Variants in CCP110 observed in about 807,000 individuals in gnomAD.
CCP110 encodes centriolar coiled-coil protein 110, also known as centriolar coiled-coil protein of 110 kDa.
A neutral mutation model predicts 105.5 loss-of-function variants in CCP110; 43 were observed. That is an observed-to-expected ratio of 0.41 (90% CI 0.32 to 0.53). The LOEUF is 0.53. CCP110 is among the 20% of genes least tolerant of loss of function. The pLI is 0.32. For synonymous variants in CCP110, 353 were observed against 392.1 expected, an observed-to-expected ratio of 0.90 and a Z score of 1.18; for missense variants, 1,016 against 1,189.1, an observed-to-expected ratio of 0.85 and a Z score of 2.14.
chr16:19,536,915 G>A (rs765427528), exon 4 of CCP110: 2 of 1,614,190 alleles, frequency 1.2e-6, no homozygotes, highest in South Asian at 2.2e-5. Flanking sequence ...TCAAGATACT[G>A]ATGAAAACAC....
rs964725775 is a variant in CCP110 at position 19,548,195 on chromosome 16, T to C, written c.2900+181T>C. ...TTCAAATGTAACCCTCTTGGTGTACTGTTGTGTATTCTAATTACTGTCTTA... is the reference window on the plus strand; with the variant it reads ...TTCAAATGTAACCCTCTTGGTGTACCGTTGTGTATTCTAATTACTGTCTTA... On this transcript the variant is annotated intron_variant, in intron 13 of 14. Coordinates refer to ENST00000381396, the Ensembl canonical transcript of CCP110. This position sits in a 1 kb window ranked among gnomAD's most constrained non-coding sequence, Gnocchi z 4.1. The C allele has an allele frequency of 3.1e-6, 2 of 637,306 alleles. No individual in the cohort carries two copies. The highest frequency in any genetic ancestry group is 2.8e-6 in the Non-Finnish European group (1 of 356,642). 39.5% of individuals were successfully genotyped at this position (637,306 alleles called of 1,614,324 possible).
At chr16:19,536,408 A>C in exon 4 of CCP110, 1 of 1,612,574 alleles carries the variant, frequency 6.2e-7, no homozygotes, top group Non-Finnish European at 8.5e-7. Context: ...ATCTAGACGC[A>C]GTCTGAGAGG....
At chr16:19,539,794 G>A (rs1970212896) in intron 4 of CCP110, among the ~76,000 whole-genome samples, 1 of 151,374 alleles carries the variant, frequency 6.6e-6, no homozygotes, top group African/African-American at 2.4e-5. Context: ...CCAACAGAGT[G>A]GAAATTTCTT....
At chr16:19,532,104 C>G (rs1482703653) in intron 2 of CCP110, among the ~76,000 whole-genome samples, 1 of 152,054 alleles carries the variant, frequency 6.6e-6, no homozygotes, top group African/African-American at 2.4e-5. Context: ...AGTGAACAAA[C>G]TTTTTTCTTT....
rs1164690143 is a variant in CCP110, at chr16:19,538,302, CTTTTTTTTTTTT to C, written c.1918+732_1918+743del. On this transcript the variant is annotated intron_variant, in intron 4 of 14. Coordinates refer to ENST00000381396, the Ensembl canonical transcript of CCP110. ...ATATTAATAATTGGAGGAAACAGTT[CTTTTTTTTTTTT>C]TTTTTTTTTTTTTTTTGAGACAGTC... is the stretch of plus-strand genomic sequence containing the variant. Among the ~76,000 whole-genome samples, 22 of 55,246 alleles carry C rather than the reference CTTTTTTTTTTTT, an allele frequency of 4.0e-4. 1 individual carries two copies. Among genetic ancestry groups the C allele is most frequent in the East Asian group, 1.4e-3 (2 of 1,440 alleles). 36.2% of individuals were successfully genotyped at this position (55,246 alleles called of 152,430 possible). A position where few individuals can be genotyped will look rare whatever the true frequency, so the allele number is the denominator to read the frequency against.
Position 19,548,097 on chromosome 16 carries a change from T to C in CCP110, c.2900+83T>C. ...GGAAAAATAAATCTAGTGTTCTTTA[T>C]GTAAAGGATAATGGTTTTTCAATGG... On this transcript the variant is annotated intron_variant, in intron 13 of 14. Transcript: ENST00000381396. The surrounding 1 kb of genome is among the most constrained non-coding windows in gnomAD (Gnocchi z 4.1). 1.0e-6 allele frequency: 1 copy of C among 977,194 alleles called. No individual in the cohort carries two copies. Among genetic ancestry groups the C allele is most frequent in the Non-Finnish European group, 1.6e-6 (1 of 612,462 alleles). The allele number at this position is 977,194 out of a possible 1,614,324, so 60.5% of individuals were successfully genotyped here.
Position 19,545,498 on chromosome 16 carries a change from A to G in CCP110, c.2703+288A>G, listed in dbSNP as rs114895665. ...TCCTGATTGAATTTCCTTGAATTCA[A>G]TTATAATGTGGGTTTTGCTTTTTTT... On this transcript the variant is annotated intron_variant, in intron 10 of 14. Transcript: ENST00000381396. Among the ~76,000 whole-genome samples, 976 of 152,264 alleles carry G rather than the reference A, an allele frequency of 6.4e-3. 5 individuals carry two copies. The highest frequency in any genetic ancestry group is 0.019 in the Admixed American group (285 of 15,296).
At chr16:19,539,073 T>C (rs866330827) in intron 4 of CCP110, among the ~76,000 whole-genome samples, 1 of 151,464 alleles carries the variant, frequency 6.6e-6, no homozygotes, top group Non-Finnish European at 1.5e-5. Context: ...GATTGCACCA[T>C]TGCACTCCAG....
At chr16:19,526,281 T>C (rs1006757551) in intron 1 of CCP110, 1 of 152,230 alleles carries the variant, frequency 6.6e-6, no homozygotes, top group African/African-American at 2.4e-5. Context: ...TTTCATGCTT[T>C]GCTTGAGTAT....
chr16:19,545,508 G>A (rs1235902304), intron 10 of CCP110, among the ~76,000 whole-genome samples: 1 of 152,056 alleles, frequency 6.6e-6, no homozygotes, highest in East Asian at 1.9e-4. Context: ...ATTATAATGT[G>A]GGTTTTGCTT....
intron 6 of CCP110, 46 bp from the exon 7 acceptor site, chr16:19,542,575 C>A (rs1211663816): frequency 7.1e-7 from 1 of 1,411,576 alleles, no homozygotes; most frequent in Non-Finnish European, 1.0e-6. Flanking sequence ...TCTTCGTATT[C>A]TAATTATATG....
In CCP110 at chr16:19,537,309, T is replaced by TA. The variant is rs754653297; in HGVS notation, c.1646dup (p.Asn549LysfsTer26). 6.2e-7 allele frequency: 1 copy of TA among 1,614,176 alleles called. No homozygotes were observed. The highest frequency in any genetic ancestry group is 8.5e-7 in the Non-Finnish European group (1 of 1,180,020). On this transcript the variant is annotated frameshift_variant, in exon 4 of 15. Transcript: ENST00000381396. LOFTEE classifies it high-confidence loss of function. The stretch of plus-strand genomic sequence containing the variant: ...ACAGAACTGAATAAGTCTTATGATG[T>TA]AAAAAACCCTTCTCCTTTATTGATG...
At chr16:19,538,410 A>G (rs893567000) in intron 4 of CCP110, among the ~76,000 whole-genome samples, 6 of 139,780 alleles carry the variant, frequency 4.3e-5, no homozygotes, top group Admixed American at 8.0e-5. Flanking sequence ...CCTGGGTTCA[A>G]TTGATTTTCG....
At chr16:19,544,362 C>G (rs983794380) in intron 8 of CCP110, among the ~76,000 whole-genome samples, 3 of 152,110 alleles carry the variant, frequency 2.0e-5, no homozygotes, top group Non-Finnish European at 2.9e-5. Flanking sequence ...TATTTATGTT[C>G]TTAGTACAGT....
At chr16:19,529,685 A>G (rs1166215075) in intron 2 of CCP110, among the ~76,000 whole-genome samples, 1 of 152,206 alleles carries the variant, frequency 6.6e-6, no homozygotes, top group Admixed American at 6.5e-5. Flanking sequence ...ACATTCTCCT[A>G]TGTAAAGCCC....
chr16:19,536,164 A>G lies in CCP110; in HGVS notation c.495A>G (p.Ser165=), dbSNP rs768955574. 9.3e-6 allele frequency: 15 copies of G among 1,613,896 alleles called. No homozygotes were observed. In the East Asian group the frequency reaches 3.1e-4, roughly 34 times the overall value. The change falls in exon 4 of 15, where the codon TCA becomes TCG. Residue 165 remains serine, a synonymous_variant. Coordinates refer to ENST00000381396, the Ensembl canonical transcript of CCP110. ...ATGGAATAGACTTAGCTAGAGATTC[A>G]GAAGGATTTAATTCTCCGAAGCAAT...
At chr16:19,540,561 A>C (rs1263133344) in intron 4 of CCP110, 96 bp from the exon 5 acceptor site, 1 of 1,010,826 alleles carries the variant, frequency 9.9e-7, no homozygotes, top group African/African-American at 1.6e-5. Context: ...ATCCAGGAAT[A>C]CTCTCTTGTC....
rs557963013 is a variant in CCP110 at position 19,548,162 on chromosome 16, G to A, written c.2900+148G>A. ...ATAGCATTGGGAAAGATATTTTAAA[G>A]TTTTGTCTTCAAATGTAACCCTCTT... On this transcript the variant is annotated intron_variant, in intron 13 of 14. Transcript: ENST00000381396. This position sits in a 1 kb window ranked among gnomAD's most constrained non-coding sequence, Gnocchi z 4.1. 3.9e-4 allele frequency: 271 copies of A among 697,578 alleles called. No homozygotes were observed. Among genetic ancestry groups the A allele is most frequent in the Admixed American group, 9.5e-5 (4 of 42,020 alleles). 43.2% of individuals were successfully genotyped at this position (697,578 alleles called of 1,614,324 possible).
rs780296053 is a variant in CCP110 at position 19,537,605 on chromosome 16, C to T, written c.1918+18C>T. On this transcript the variant is annotated intron_variant, in intron 4 of 14. Transcript: ENST00000381396. ...TTCCAAAGGTAAGGAATCTTTGAAGCGTTTGATACCTTCTATGCAGATACC... is the reference window on the plus strand; with the variant it reads ...TTCCAAAGGTAAGGAATCTTTGAAGTGTTTGATACCTTCTATGCAGATACC... The T allele has an allele frequency of 1.4e-5, 19 of 1,328,402 alleles. No homozygotes were observed. The highest frequency in any genetic ancestry group is 2.3e-5 in the East Asian group (1 of 43,452). The allele number at this position is 1,328,402 out of a possible 1,614,324, so 82.3% of individuals were successfully genotyped here.
Sources: allele counts gnomAD v4.1 joint callset (sites outside exome capture counted in the v4.1 genomes callset), GRCh38; gene constraint gnomAD v4.1.1; non-coding constraint Gnocchi (gnomAD v3.1); transcripts MANE v1.5; gene names NCBI Gene and HGNC (gene_info 2026-07-23, HGNC 2026-07-21).